ZNF804B: variants seen among roughly 807,000 people sequenced by gnomAD.
The protein encoded by ZNF804B is zinc finger 804B.
ZNF804B carries 80 observed loss-of-function variants against 101.4 expected under a neutral mutation model. The ratio of observed to expected loss-of-function variants is 0.79; its 90% CI spans 0.66 to 0.95. The LOEUF (loss-of-function observed/expected upper bound fraction) is 0.95, where lower values mean the gene tolerates loss of function less well. ZNF804B is among the 40% of genes least tolerant of loss of function. The pLI is 0.00. For missense variants in ZNF804B, 1,673 were observed against 1,561.9 expected (o/e 1.07, Z -1.20); for synonymous variants, 622 against 558.8 (o/e 1.11, Z -1.59).
At chr7:88,842,884 T>C (rs1583970539) in intron 1 of ZNF804B, among the ~76,000 whole-genome samples, 1 of 152,240 alleles carries the variant, frequency 6.6e-6, no homozygotes, top group East Asian at 1.9e-4. Context: ...TTATAATTTT[T>C]ATTTTAGTTG....
At chr7:89,059,724 T>C (rs952950212) in intron 1 of ZNF804B, among the ~76,000 whole-genome samples, 1 of 152,162 alleles carries the variant, frequency 6.6e-6, no homozygotes, top group East Asian at 1.9e-4. Context: ...ACAAGGGCTA[T>C]TCTGACTTGT....
chr7:89,165,324 T>C lies in ZNF804B; in HGVS notation c.109-52831T>C, dbSNP rs546107362. Among the ~76,000 whole-genome samples, 8 of 152,116 alleles carry C rather than the reference T, an allele frequency of 5.3e-5. No individual in the cohort carries two copies. In the South Asian group the frequency reaches 1.7e-3, roughly 32 times the overall value. On this transcript the variant is annotated intron_variant, in intron 1 of 3. Transcript: ENST00000333190. ...CAGATGGTGATATGTCTGGGGTTTA[T>C]ACAAAAGATAGAGGATACACAAAGA...
intron 2 of ZNF804B, among the ~76,000 whole-genome samples, chr7:89,220,061 A>G (rs1351232621): frequency 1.6e-5 from 2 of 125,256 alleles, no homozygotes; most frequent in Admixed American, 1.6e-4. Context: ...ATACATATAT[A>G]CGCACATATA....
chr7:89,141,989 C>T (rs1043212907), intron 1 of ZNF804B, among the ~76,000 whole-genome samples: 2 of 151,178 alleles, frequency 1.3e-5, no homozygotes, highest in African/African-American at 4.9e-5. Flanking sequence ...TTATTCCATC[C>T]CTAAAGAATT....
intron 2 of ZNF804B, among the ~76,000 whole-genome samples, chr7:89,322,652 CAATT>C (rs1180784695): frequency 2.0e-5 from 3 of 151,880 alleles, no homozygotes; most frequent in Non-Finnish European, 4.4e-5. Context: ...AATGTTTTGA[CAATT>C]AAAAAGCTAA....
intron 2 of ZNF804B, 56 bp from the exon 3 acceptor site, chr7:89,327,288 G>C (rs1790910037): frequency 6.7e-7 from 1 of 1,487,624 alleles, no homozygotes; most frequent in South Asian, 1.3e-5. Context: ...CCTTGTGGAT[G>C]GAAAAGAATA....
At chr7:88,840,898 G>A (rs1791284566) in intron 1 of ZNF804B, among the ~76,000 whole-genome samples, 1 of 152,072 alleles carries the variant, frequency 6.6e-6, no homozygotes, top group Non-Finnish European at 1.5e-5. Flanking sequence ...GCTTTCATAA[G>A]TCCCAAATTT....
At chr7:89,161,664 C>T (rs1038321828) in intron 1 of ZNF804B, among the ~76,000 whole-genome samples, 2 of 101,418 alleles carry the variant, frequency 2.0e-5, no homozygotes, top group African/African-American at 6.3e-5. Context: ...GCTGGAATTA[C>T]AAGGCATGAA....
At chr7:89,184,269 T>C (rs1026179633) in intron 1 of ZNF804B, among the ~76,000 whole-genome samples, 1 of 152,184 alleles carries the variant, frequency 6.6e-6, no homozygotes, top group African/African-American at 2.4e-5. Context: ...AATACATTTC[T>C]AGATTTTCAT....
intron 1 of ZNF804B, among the ~76,000 whole-genome samples, chr7:88,915,392 A>G (rs1393012287): frequency 1.3e-5 from 2 of 152,090 alleles, no homozygotes; most frequent in Non-Finnish European, 2.9e-5. Flanking sequence ...ATGCTCTCAC[A>G]AAATATTACC....
At chr7:88,876,186 T>C (rs1791937015) in intron 1 of ZNF804B, among the ~76,000 whole-genome samples, 1 of 152,192 alleles carries the variant, frequency 6.6e-6, no homozygotes, top group Non-Finnish European at 1.5e-5. Context: ...CCCAGACAGA[T>C]CAGTTTTAGC....
intron 1 of ZNF804B, among the ~76,000 whole-genome samples, chr7:89,164,488 G>T (rs1201387106): frequency 6.6e-6 from 1 of 152,096 alleles, no homozygotes; most frequent in Non-Finnish European, 1.5e-5. Flanking sequence ...TGAATGGTCA[G>T]CTCACAGGGA....
chr7:89,110,246 C>G (rs1790197186), intron 1 of ZNF804B, among the ~76,000 whole-genome samples: 1 of 152,028 alleles, frequency 6.6e-6, no homozygotes, highest in South Asian at 2.1e-4. Context: ...AAACTAATTA[C>G]AGTAGTTCAA....
chr7:89,274,016 G>T (rs1374435310), intron 2 of ZNF804B, among the ~76,000 whole-genome samples: 1 of 151,982 alleles, frequency 6.6e-6, no homozygotes, highest in Non-Finnish European at 1.5e-5. Context: ...GCCACAAAGA[G>T]TAGACATACT....
rs1445708181 is a variant in ZNF804B at position 89,025,576 on chromosome 7, A to T, written c.109-192579A>T. 2.6e-5 allele frequency among the ~76,000 whole-genome samples: 4 copies of T among 152,164 alleles called. No homozygotes were observed. In the East Asian group the frequency reaches 7.7e-4, roughly 29 times the overall value. On this transcript the variant is annotated intron_variant, in intron 1 of 3. Coordinates refer to ENST00000333190, the MANE Select transcript of ZNF804B (RefSeq NM_181646.5). ...GTTTTTTAAAAAACAAACTTATTAT[A>T]TGTTATCTGACATTGCCCATTCATC...
At chr7:89,298,491 G>T (rs1554391361) in intron 2 of ZNF804B, among the ~76,000 whole-genome samples, 2 of 150,518 alleles carry the variant, frequency 1.3e-5, no homozygotes, top group Non-Finnish European at 3.0e-5. Context: ...TCAAAAGTGG[G>T]ATTACGTAGT....
intron 1 of ZNF804B, among the ~76,000 whole-genome samples, chr7:88,846,864 T>A (rs1429631824): frequency 6.6e-6 from 1 of 151,550 alleles, no homozygotes; most frequent in East Asian, 1.9e-4. Context: ...TATATATTAG[T>A]GTATATATAC....
At chr7:89,273,392 G>A (rs2115845020) in intron 2 of ZNF804B, among the ~76,000 whole-genome samples, 1 of 152,184 alleles carries the variant, frequency 6.6e-6, no homozygotes. Flanking sequence ...ATGAAAGGTA[G>A]ACCAAATAGC....
intron 1 of ZNF804B, among the ~76,000 whole-genome samples, chr7:88,996,090 T>A (rs1788190606): frequency 1.3e-5 from 2 of 152,036 alleles, no homozygotes; most frequent in Non-Finnish European, 2.9e-5. Flanking sequence ...TAAGGAAAGC[T>A]GCACGAAGTA....
Sources: allele counts gnomAD v4.1 joint callset (sites outside exome capture counted in the v4.1 genomes callset), GRCh38; gene constraint gnomAD v4.1.1; transcripts MANE v1.5; gene names NCBI Gene and HGNC (gene_info 2026-07-23, HGNC 2026-07-21).